LSG1: variants seen among roughly 807,000 people sequenced by gnomAD.
LSG1 encodes the protein large subunit GTPase 1 homolog.
LSG1 carries 55 observed loss-of-function variants against 82.6 expected under a neutral mutation model. That is an observed-to-expected ratio of 0.67 (90% CI 0.54 to 0.83). The LOEUF (loss-of-function observed/expected upper bound fraction) is 0.83, where lower values mean the gene tolerates loss of function less well. LSG1 is among the 40% of genes least tolerant of loss of function. The pLI is 0.00. For synonymous variants in LSG1, 272 were observed against 282.5 expected (o/e 0.96, Z 0.37); for missense variants, 809 against 807.9 (o/e 1.00, Z -0.02).
intron 7 of LSG1, among the ~76,000 whole-genome samples, chr3:194,656,104 G>A (rs1047722382): frequency 2.0e-5 from 3 of 151,990 alleles, no homozygotes; most frequent in Non-Finnish European, 2.9e-5. Context: ...AGGACTTCAT[G>A]TCTAAAACAC....
At chr3:194,644,493 G>A (rs928242969) in intron 13 of LSG1, 80 bp downstream of exon 13, 43 of 1,043,578 alleles carry the variant, frequency 4.1e-5, no homozygotes, top group Non-Finnish European at 5.0e-5. Context: ...AATAAAATGT[G>A]TTTATGGCAT....
At chr3:194,646,481 A>G (rs1004522535) in intron 11 of LSG1, 7 of 373,194 alleles carry the variant, frequency 1.9e-5, no homozygotes, top group African/African-American at 1.5e-4. Context: ...GACAAATTCG[A>G]TTTCTCTCTA....
intron 10 of LSG1, among the ~76,000 whole-genome samples, chr3:194,650,510 T>C (rs1718651443): frequency 6.6e-6 from 1 of 152,244 alleles, no homozygotes; most frequent in South Asian, 2.1e-4. Context: ...TCAATATATG[T>C]TAGCTATACT....
chr3:194,641,510 T>G lies in LSG1; in HGVS notation c.*558A>C, dbSNP rs1718380236. Reference sequence around the variant, plus strand: ...ACGTGAGCCCCCGCTGTACACTAACTGAACCCAAGTCCCTTGTTTAGAGTC... The same window carrying G: ...ACGTGAGCCCCCGCTGTACACTAACGGAACCCAAGTCCCTTGTTTAGAGTC... On this transcript the variant is annotated 3_prime_UTR_variant, in exon 14 of 14. Transcript: ENST00000265245. 6.6e-6 allele frequency: 1 copy of G among 152,376 alleles called. No individual in the cohort carries two copies. Among genetic ancestry groups the G allele is most frequent in the Non-Finnish European group, 1.5e-5 (1 of 68,154 alleles). The allele number at this position is 152,376 out of a possible 1,614,324, so 9.4% of individuals were successfully genotyped here.
chr3:194,661,500 G>A (rs1173287204), intron 5 of LSG1, among the ~76,000 whole-genome samples: 1 of 152,148 alleles, frequency 6.6e-6, no homozygotes, highest in East Asian at 1.9e-4. Flanking sequence ...TAGCAGGAGG[G>A]GTCTACACAG....
At chr3:194,649,803 G>A (rs1718636282) in intron 10 of LSG1, among the ~76,000 whole-genome samples, 1 of 152,158 alleles carries the variant, frequency 6.6e-6, no homozygotes, top group African/African-American at 2.4e-5. Flanking sequence ...CAGCGGATTA[G>A]TGTGCCAATT....
At chr3:194,669,935 CA>C in intron 2 of LSG1, 73 bp downstream of exon 2, 1 of 1,546,364 alleles carries the variant, frequency 6.5e-7, no homozygotes, top group Non-Finnish European at 8.7e-7. Flanking sequence ...CATCTCAAAA[CA>C]AAAAACAAAA....
rs990548703 is a variant in LSG1, at chr3:194,648,075, ATTTTTTT to A, written c.1543+599_1543+605del. On this transcript the variant is annotated intron_variant, in intron 11 of 13. Coordinates refer to ENST00000265245, the MANE Select transcript of LSG1 (RefSeq NM_018385.3). The stretch of plus-strand genomic sequence containing the variant: ...GCACGGAAATGTTTCCCACACTGCT[ATTTTTTT>A]TTTTTTTTTTTTTTTTAGGTAGACA... Among the ~76,000 whole-genome samples the A allele has an allele frequency of 4.2e-5, 5 of 117,940 alleles. No individual in the cohort carries two copies. In the East Asian group the frequency reaches 1.2e-3, roughly 28 times the overall value. The allele number at this position is 117,940 out of a possible 152,430, so 77.4% of individuals were successfully genotyped here. A position where few individuals can be genotyped will look rare whatever the true frequency, so the allele number is the denominator to read the frequency against.
rs770141853 is a variant in LSG1, at chr3:194,641,799, A to T, written c.*269T>A. 2.1e-5 allele frequency: 6 copies of T among 289,934 alleles called. No homozygotes were observed. In the East Asian group the frequency reaches 3.0e-4, roughly 15 times the overall value. 18.0% of individuals were successfully genotyped at this position (289,934 alleles called of 1,614,324 possible). A position where few individuals can be genotyped will look rare whatever the true frequency, so the allele number is the denominator to read the frequency against. The stretch of plus-strand genomic sequence containing the variant: ...TGGCTAATTTTTTTGTATTTTTAGT[A>T]GAGACGGGGTTTCTCCATGTTGGTG... On this transcript the variant is annotated 3_prime_UTR_variant, in exon 14 of 14. Transcript: ENST00000265245.
chr3:194,645,535 GACACACACACACACACACACAC>G (rs61447438), intron 12 of LSG1: 8 of 34,992 alleles, frequency 2.3e-4, no homozygotes, highest in South Asian at 2.1e-3. Context: ...CACACAGACA[GACACACACACACACACACACAC>G]ACACACACAC....
intron 2 of LSG1, 149 bp downstream of exon 2, chr3:194,669,860 A>C (rs563450568): frequency 2.5e-6 from 2 of 813,746 alleles, no homozygotes; most frequent in South Asian, 3.8e-5. Flanking sequence ...TGAACCCAGG[A>C]GGCGGAGCTG....
At chr3:194,654,478 A>T (rs1471932410) in intron 7 of LSG1, among the ~76,000 whole-genome samples, 1 of 152,254 alleles carries the variant, frequency 6.6e-6, no homozygotes, top group African/African-American at 2.4e-5. Context: ...GCAGAAATAA[A>T]AACAAAATGT....
chr3:194,664,993 C>G (rs1181205440), intron 5 of LSG1, among the ~76,000 whole-genome samples: 1 of 152,148 alleles, frequency 6.6e-6, no homozygotes, highest in East Asian at 1.9e-4. Context: ...TACTTATCAA[C>G]CACTCCTTCC....
At chr3:194,655,399 G>A (rs1718770937) in intron 7 of LSG1, among the ~76,000 whole-genome samples, 1 of 152,092 alleles carries the variant, frequency 6.6e-6, no homozygotes, top group African/African-American at 2.4e-5. Context: ...ATAATGATAA[G>A]TATCTATTTT....
At chr3:194,645,583 C>CAA in intron 12 of LSG1, among the ~76,000 whole-genome samples, 1 of 68,386 alleles carries the variant, frequency 1.5e-5, no homozygotes, top group South Asian at 5.3e-4. Context: ...CAGACACACA[C>CAA]ACACACACAC....
At position 194,650,989 on chromosome 3, in the gene LSG1, G is replaced by A; in HGVS notation, c.1311C>T (p.Asp437=). ...AAGATGGCATCACCAAGCCAGGACA[G>A]TCACACAGGCAGAGGCCAGGCTCCA... ...LYVEPGLCLC[D]CPGLVMPSFV... Residue 437 remains aspartate, a synonymous_variant, in exon 10 of 14, where the codon GAC becomes GAT. Coordinates refer to ENST00000265245, the MANE Select transcript of LSG1 (RefSeq NM_018385.3). The A allele has an allele frequency of 6.2e-7, 1 of 1,614,226 alleles. No homozygotes were observed.
chr3:194,649,905 GTTTT>G (rs200467137), intron 10 of LSG1, among the ~76,000 whole-genome samples: 1 of 148,672 alleles, frequency 6.7e-6, no homozygotes, highest in African/African-American at 2.5e-5. Context: ...AGACCTTGCA[GTTTT>G]TTTTTTCTTT....
chr3:194,657,485 G>C (rs1405425436), intron 7 of LSG1, among the ~76,000 whole-genome samples: 1 of 124,066 alleles, frequency 8.1e-6, no homozygotes, highest in Non-Finnish European at 1.7e-5. Context: ...TTTGATATTT[G>C]AGGGATTCGG....
At chr3:194,654,407 T>C (rs1391049915) in intron 7 of LSG1, among the ~76,000 whole-genome samples, 17 of 152,188 alleles carry the variant, frequency 1.1e-4, no homozygotes, top group Admixed American at 1.1e-3. Context: ...TTTGTTAGAA[T>C]GATTAACAGT....
Sources: allele counts gnomAD v4.1 joint callset (sites outside exome capture counted in the v4.1 genomes callset), GRCh38; gene constraint gnomAD v4.1.1; transcripts MANE v1.5; gene names NCBI Gene and HGNC (gene_info 2026-07-23, HGNC 2026-07-21).